NELL1: variants seen among roughly 807,000 people sequenced by gnomAD.
NELL1 encodes neural EGFL like 1, also known as protein kinase C-binding protein NELL1.
Under a neutral mutation model 107.4 loss-of-function variants are expected in NELL1, and 76 were observed. That is an observed-to-expected ratio of 0.71 (90% CI 0.59 to 0.86). The LOEUF (loss-of-function observed/expected upper bound fraction) is 0.86, where lower values mean the gene tolerates loss of function less well. NELL1 is among the 40% of genes least tolerant of loss of function. The pLI, the probability that NELL1 is intolerant of heterozygous loss-of-function variation, is 0.00. For synonymous variants in NELL1, 353 were observed against 341.2 expected (o/e 1.03, Z -0.38); for missense variants, 1,024 against 1,005.5 (o/e 1.02, Z -0.25).
intron 12 of NELL1, among the ~76,000 whole-genome samples, chr11:20,984,474 T>G (rs114015709): frequency 6.6e-5 from 10 of 152,342 alleles, no homozygotes; most frequent in Admixed American, 6.5e-5. Flanking sequence ...AATGAGATAA[T>G]GTAGTTCACT....
chr11:20,963,977 T>C (rs1590469944), intron 12 of NELL1, among the ~76,000 whole-genome samples: 2 of 152,134 alleles, frequency 1.3e-5, no homozygotes, highest in East Asian at 3.9e-4. Flanking sequence ...GAGATTGTCG[T>C]AGAAACTGCC....
chr11:20,704,127 G>A (rs1031899387), intron 2 of NELL1, among the ~76,000 whole-genome samples: 3 of 152,090 alleles, frequency 2.0e-5, no homozygotes, highest in Admixed American at 2.0e-4. Context: ...CATTATTATT[G>A]TGTGAGAGTC....
chr11:21,435,234 G>T (rs1466033278), intron 15 of NELL1, among the ~76,000 whole-genome samples: 1 of 151,998 alleles, frequency 6.6e-6, no homozygotes, highest in Admixed American at 6.5e-5. Context: ...AAATAAGAGT[G>T]GTGAAAGTGG....
At chr11:21,132,600 T>C (rs2133759627) in intron 13 of NELL1, among the ~76,000 whole-genome samples, 1 of 152,186 alleles carries the variant, frequency 6.6e-6, no homozygotes, top group East Asian at 1.9e-4. Flanking sequence ...GTACCACAAG[T>C]GGCTTCCACT....
chr11:21,543,008 C>G (rs1856331187), intron 16 of NELL1, among the ~76,000 whole-genome samples: 1 of 151,900 alleles, frequency 6.6e-6, no homozygotes, highest in Non-Finnish European at 1.5e-5. Flanking sequence ...GCTGTTTTTT[C>G]TATTCCAGGG....
At chr11:20,722,351 A>T (rs1023406703) in intron 2 of NELL1, among the ~76,000 whole-genome samples, 1 of 152,124 alleles carries the variant, frequency 6.6e-6, no homozygotes, top group Non-Finnish European at 1.5e-5. Context: ...TCTCAAAGGG[A>T]ACAGCAGTGT....
intron 13 of NELL1, among the ~76,000 whole-genome samples, chr11:21,184,250 T>G (rs1053606222): frequency 6.6e-6 from 1 of 151,722 alleles, no homozygotes; most frequent in Non-Finnish European, 1.5e-5. Flanking sequence ...GCATGCAAAT[T>G]GTTTGTTTAT....
At chr11:21,069,565 C>T (rs1186406339) in intron 12 of NELL1, among the ~76,000 whole-genome samples, 1 of 152,142 alleles carries the variant, frequency 6.6e-6, no homozygotes, top group African/African-American at 2.4e-5. Flanking sequence ...CAGTAAGTCC[C>T]ACCCTTTTGT....
At chr11:20,841,908 C>T (rs528574714) in intron 3 of NELL1, among the ~76,000 whole-genome samples, 1 of 152,194 alleles carries the variant, frequency 6.6e-6, no homozygotes, top group Non-Finnish European at 1.5e-5. Context: ...GATTGCAACT[C>T]AAGCTTCAGT....
At chr11:21,300,338 G>A (rs984731584) in intron 14 of NELL1, among the ~76,000 whole-genome samples, 5 of 151,898 alleles carry the variant, frequency 3.3e-5, no homozygotes, top group African/African-American at 1.2e-4. Flanking sequence ...AGGAGAAGGA[G>A]GAAGGTAATG....
intron 15 of NELL1, among the ~76,000 whole-genome samples, chr11:21,498,570 G>A (rs954042440): frequency 3.3e-5 from 5 of 151,532 alleles, no homozygotes; most frequent in Admixed American, 6.6e-5. Context: ...AGTGATCAAC[G>A]TTTAAATTGT....
At chr11:20,686,008 A>G (rs1292133174) in intron 2 of NELL1, among the ~76,000 whole-genome samples, 3 of 152,098 alleles carry the variant, frequency 2.0e-5, no homozygotes, top group Non-Finnish European at 4.4e-5. Context: ...CCTTGTCTGG[A>G]AATGGGACGA....
At chr11:21,461,954 A>C (rs1853910870) in intron 15 of NELL1, among the ~76,000 whole-genome samples, 1 of 152,140 alleles carries the variant, frequency 6.6e-6, no homozygotes, top group Admixed American at 6.6e-5. Flanking sequence ...TAGGAAACCA[A>C]AGAAGCAGAG....
intron 2 of NELL1, among the ~76,000 whole-genome samples, chr11:20,701,825 G>A (rs1192238798): frequency 6.6e-6 from 1 of 152,074 alleles, no homozygotes; most frequent in East Asian, 1.9e-4. Flanking sequence ...TTGTAGATGT[G>A]CGGTATTATT....
At chr11:21,288,710 A>T (rs1002625570) in intron 14 of NELL1, among the ~76,000 whole-genome samples, 1 of 152,240 alleles carries the variant, frequency 6.6e-6, no homozygotes, top group African/African-American at 2.4e-5. Flanking sequence ...AAAACAAACT[A>T]TCCAAACATT....
intron 3 of NELL1, among the ~76,000 whole-genome samples, chr11:20,799,520 G>T (rs1212431852): frequency 1.3e-5 from 2 of 152,000 alleles, no homozygotes; most frequent in African/African-American, 4.8e-5. Flanking sequence ...TTTTTCTAAA[G>T]GACATTTTAG....
chr11:21,424,282 A>G (rs556579931), intron 15 of NELL1, among the ~76,000 whole-genome samples: 1 of 152,186 alleles, frequency 6.6e-6, no homozygotes, highest in Non-Finnish European at 1.5e-5. Context: ...AAGTGGGGAC[A>G]TTACTACCAA....
At chr11:20,706,558 A>G (rs1854963492) in intron 2 of NELL1, among the ~76,000 whole-genome samples, 1 of 151,566 alleles carries the variant, frequency 6.6e-6, no homozygotes, top group Admixed American at 6.6e-5. Flanking sequence ...ATTAGGAGAT[A>G]TACCTAATGC....
chr11:21,153,233 A>C (rs1856157670), intron 13 of NELL1, among the ~76,000 whole-genome samples: 1 of 152,114 alleles, frequency 6.6e-6, no homozygotes, highest in African/African-American at 2.4e-5. Context: ...CCATTCATTA[A>C]GCCTATCTGA....
Sources: allele counts gnomAD v4.1 joint callset (sites outside exome capture counted in the v4.1 genomes callset), GRCh38; gene constraint gnomAD v4.1.1; transcripts MANE v1.5; gene names NCBI Gene and HGNC (gene_info 2026-07-23, HGNC 2026-07-21).